Variants in CREB5 observed in about 807,000 individuals in gnomAD.
CREB5 encodes the protein cyclic AMP-responsive element-binding protein 5.
In CREB5, 19 loss-of-function variants were observed where a neutral mutation model predicts 57.1. The ratio of observed to expected loss-of-function variants is 0.33; its 90% CI spans 0.23 to 0.49. The LOEUF (loss-of-function observed/expected upper bound fraction) is 0.49. Among genes scored for constraint, CREB5 ranks in the 20% least tolerant of loss-of-function variants. The pLI is 0.99. For missense variants in CREB5, 579 were observed against 671.6 expected (o/e 0.86, Z 1.52); for synonymous variants, 238 against 238.3 (o/e 1.00, Z 0.01).
At chr7:28,328,130 A>T (rs1785642923) in intron 1 of CREB5, among the ~76,000 whole-genome samples, 1 of 152,212 alleles carries the variant, frequency 6.6e-6, no homozygotes, top group Admixed American at 6.5e-5. Flanking sequence ...AACCAGAGTC[A>T]GTTGTCTGCA....
chr7:28,300,746 A>C (rs767212995), intron 1 of CREB5, among the ~76,000 whole-genome samples: 1 of 152,182 alleles, frequency 6.6e-6, no homozygotes, highest in East Asian at 1.9e-4. Flanking sequence ...TTATAGACTC[A>C]TCTTTCTGTA....
At chr7:28,697,188 T>A (rs1801621147) in intron 5 of CREB5, among the ~76,000 whole-genome samples, 1 of 152,280 alleles carries the variant, frequency 6.6e-6, no homozygotes, top group South Asian at 2.1e-4. Context: ...ATGCTGATAA[T>A]GTCAGATTAA....
intron 5 of CREB5, among the ~76,000 whole-genome samples, chr7:28,654,054 T>C (rs1170098062): frequency 1.3e-5 from 2 of 152,170 alleles, no homozygotes; most frequent in African/African-American, 4.8e-5. Flanking sequence ...TTTAAAGCTG[T>C]TTTTCATTTC....
chr7:28,639,384 AT>A (rs1481009332), intron 5 of CREB5, among the ~76,000 whole-genome samples: 7 of 152,194 alleles, frequency 4.6e-5, no homozygotes, highest in Non-Finnish European at 1.0e-4. Flanking sequence ...GGAGGCTTAA[AT>A]TTTGTGTCCT....
At chr7:28,571,107 G>A (rs1040009207) in intron 5 of CREB5, among the ~76,000 whole-genome samples, 2 of 152,124 alleles carry the variant, frequency 1.3e-5, no homozygotes, top group African/African-American at 4.8e-5. Flanking sequence ...TGGGTGGGGC[G>A]TGTCCACAAT....
chr7:28,451,042 G>A (rs548136211), intron 1 of CREB5, among the ~76,000 whole-genome samples: 3 of 152,282 alleles, frequency 2.0e-5, no homozygotes, highest in East Asian at 1.9e-4. Context: ...TTCAGTTGCT[G>A]TAACAGATGT....
At chr7:28,491,128 C>A in intron 2 of CREB5, 1 of 826,620 alleles carries the variant, frequency 1.2e-6, no homozygotes, top group Non-Finnish European at 1.5e-6. Context: ...GCATAGAGAA[C>A]TCTTTCAAGA....
chr7:28,628,672 C>T (rs1798092876), intron 5 of CREB5, among the ~76,000 whole-genome samples: 2 of 152,166 alleles, frequency 1.3e-5, no homozygotes, highest in African/African-American at 4.8e-5. Context: ...TAGGGTCCAA[C>T]AGCAGCATCC....
At chr7:28,557,041 C>T (rs1794907981) in intron 4 of CREB5, among the ~76,000 whole-genome samples, 1 of 142,364 alleles carries the variant, frequency 7.0e-6, no homozygotes, top group Non-Finnish European at 1.6e-5. Context: ...TAACAGCTCC[C>T]TGCTGAAACT....
chr7:28,400,737 C>T (rs1787444095), intron 1 of CREB5, among the ~76,000 whole-genome samples: 1 of 152,140 alleles, frequency 6.6e-6, no homozygotes, highest in Non-Finnish European at 1.5e-5. Flanking sequence ...TTAAAAGCTA[C>T]TGAAATTCTC....
rs1204579423 is a variant in CREB5, at chr7:28,809,284, A to G, written c.1124A>G (p.Asp375Gly). 1 of 1,614,168 alleles carries G rather than the reference A, an allele frequency of 6.2e-7. No individual in the cohort carries two copies. Among genetic ancestry groups the G allele is most frequent in the Admixed American group, 1.7e-5 (1 of 60,020 alleles). ...RRRRVVDEDP[D>G]ERRRKFLERN... ...CGAAGGGTGGTAGACGAGGATCCGGACGAGAGGCGGCGGAAATTTCTGGAA... is the reference window on the plus strand; with the variant it reads ...CGAAGGGTGGTAGACGAGGATCCGGGCGAGAGGCGGCGGAAATTTCTGGAA... Residue 375 changes from aspartate (D) to glycine (G), a missense_variant, in exon 9 of 11, where the codon GAC becomes GGC. Around this residue, in one of 3 missense-constraint regions of CREB5, gnomAD observed 459 missense variants for 515.7 expected, o/e 0.89. Transcript: ENST00000357727.
At chr7:28,326,623 G>C (rs1044124319) in intron 1 of CREB5, among the ~76,000 whole-genome samples, 1 of 152,172 alleles carries the variant, frequency 6.6e-6, no homozygotes, top group African/African-American at 2.4e-5. Flanking sequence ...AGTGAACAAG[G>C]TGGCCAGAAT....
chr7:28,613,012 G>A (rs1192354934), intron 5 of CREB5, among the ~76,000 whole-genome samples: 5 of 152,130 alleles, frequency 3.3e-5, no homozygotes, highest in Non-Finnish European at 7.3e-5. Context: ...GCAGGAATTT[G>A]GAGTTACCCA....
chr7:28,638,264 G>GAC (rs56956362), intron 5 of CREB5, among the ~76,000 whole-genome samples: 35,889 of 145,610 alleles, frequency 0.25, 4,936 homozygotes, highest in African/African-American at 0.38. Context: ...AAAGAAACTA[G>GAC]ACACACACAC....
chr7:28,377,561 G>A (rs983257767), intron 1 of CREB5, among the ~76,000 whole-genome samples: 3 of 151,402 alleles, frequency 2.0e-5, no homozygotes, highest in African/African-American at 7.3e-5. Flanking sequence ...GACTGCTATC[G>A]TTTTTCCCTC....
At chr7:28,372,211 C>T (rs1252956023) in intron 1 of CREB5, among the ~76,000 whole-genome samples, 1 of 152,158 alleles carries the variant, frequency 6.6e-6, no homozygotes, top group African/African-American at 2.4e-5. Context: ...CAGATACATA[C>T]ATTACTAATA....
chr7:28,622,259 T>TCTCACACA (rs1238367079), intron 5 of CREB5, among the ~76,000 whole-genome samples: 42 of 142,898 alleles, frequency 2.9e-4, no homozygotes, highest in African/African-American at 1.1e-3. Context: ...TCTCTCTCTC[T>TCTCACACA]CACACACACA....
In CREB5 at chr7:28,780,109, C is replaced by T. The variant is rs1353936877; in HGVS notation, c.703-24090C>T. Among the ~76,000 whole-genome samples the T allele has an allele frequency of 4.6e-5, 7 of 152,262 alleles. No homozygotes were observed. In the East Asian group the frequency reaches 1.2e-3, roughly 25 times the overall value. On this transcript the variant is annotated intron_variant, in intron 7 of 10. Transcript: ENST00000357727. ...TATTTCGCCAACTGGACAGTCAGTTCCTTGAGAGTAGGAGCCAGATCTTCT... is the reference window on the plus strand; with the variant it reads ...TATTTCGCCAACTGGACAGTCAGTTTCTTGAGAGTAGGAGCCAGATCTTCT...
chr7:28,745,694 A>G (rs951990092), intron 7 of CREB5, among the ~76,000 whole-genome samples: 2 of 152,224 alleles, frequency 1.3e-5, no homozygotes, highest in Admixed American at 1.3e-4. Context: ...CCTCTGGAGC[A>G]TGCTGCTGTT....
Sources: allele counts gnomAD v4.1 joint callset (sites outside exome capture counted in the v4.1 genomes callset), GRCh38; gene constraint gnomAD v4.1.1; regional missense constraint gnomAD v4.1.1; transcripts MANE v1.5; gene names NCBI Gene and HGNC (gene_info 2026-07-23, HGNC 2026-07-21).